NRIP1: variants seen among roughly 807,000 people sequenced by gnomAD.
NRIP1 encodes the protein nuclear receptor-interacting protein 1.
NRIP1 carries 28 observed loss-of-function variants against 75.0 expected under a neutral mutation model. The observed-to-expected ratio is 0.37, with a 90% confidence interval of 0.28 to 0.51. The LOEUF (loss-of-function observed/expected upper bound fraction) is 0.51, where lower values mean the gene tolerates loss of function less well. Among genes scored for constraint, NRIP1 ranks in the 20% least tolerant of loss-of-function variants. NRIP1 has a pLI of 0.92. For missense variants in NRIP1, 1,435 were observed against 1,343.7 expected (o/e 1.07, Z -1.06); for synonymous variants, 526 against 487.6 (o/e 1.08, Z -1.04).
At chr21:15,026,743 G>T (rs767634430) in intron 2 of NRIP1, among the ~76,000 whole-genome samples, 1 of 152,102 alleles carries the variant, frequency 6.6e-6, no homozygotes, top group Non-Finnish European at 1.5e-5. Context: ...CAGAGGGGAA[G>T]AAATAAATAC....
chr21:14,996,785 A>G (rs1450435047), intron 3 of NRIP1, among the ~76,000 whole-genome samples: 2 of 152,140 alleles, frequency 1.3e-5, no homozygotes, highest in Admixed American at 6.6e-5. Context: ...GCCACTTCTA[A>G]CATAATATTC....
At chr21:15,014,009 C>G (rs941103124) in intron 3 of NRIP1, among the ~76,000 whole-genome samples, 1 of 152,108 alleles carries the variant, frequency 6.6e-6, no homozygotes, top group African/African-American at 2.4e-5. Flanking sequence ...AATACTATTT[C>G]TTCTTTCAAG....
intron 2 of NRIP1, among the ~76,000 whole-genome samples, chr21:15,018,807 T>C (rs2088298030): frequency 6.6e-6 from 1 of 152,142 alleles, no homozygotes. Flanking sequence ...TGCTCCAAAA[T>C]AGGCTGCATA....
chr21:15,001,909 G>A (rs2147119267), intron 3 of NRIP1, among the ~76,000 whole-genome samples: 1 of 152,184 alleles, frequency 6.6e-6, no homozygotes, highest in South Asian at 2.1e-4. Context: ...TTCAAGCAGG[G>A]AAGCAGATTT....
intron 2 of NRIP1, among the ~76,000 whole-genome samples, chr21:15,026,202 AAC>A (rs1303605380): frequency 2.0e-5 from 3 of 152,228 alleles, no homozygotes; most frequent in Non-Finnish European, 2.9e-5. Context: ...TGCATAAAAA[AAC>A]AGTTTTGAGT....
At chr21:14,996,296 G>A (rs573243908) in intron 3 of NRIP1, among the ~76,000 whole-genome samples, 6 of 152,042 alleles carry the variant, frequency 3.9e-5, no homozygotes, top group South Asian at 2.1e-4. Flanking sequence ...CTTGTGGCTC[G>A]TAGCTTCTTC....
chr21:14,971,433 A>G (rs533846944), intron 3 of NRIP1: 2 of 152,322 alleles, frequency 1.3e-5, no homozygotes, highest in African/African-American at 2.4e-5. Context: ...TAAATATTCA[A>G]TTGTTTATTT....
intron 1 of NRIP1, among the ~76,000 whole-genome samples, chr21:15,049,105 T>G (rs1249116237): frequency 6.6e-6 from 1 of 152,180 alleles, no homozygotes; most frequent in Non-Finnish European, 1.5e-5. Flanking sequence ...CTAATAGCAT[T>G]TAGAAGCAAA....
intron 1 of NRIP1, chr21:15,051,006 G>A (rs983443096): frequency 1.9e-5 from 8 of 418,396 alleles, no homozygotes; most frequent in African/African-American, 1.6e-4. Flanking sequence ...TTTACCTACA[G>A]CTAATGCAAA....
rs2088492277 is a variant in NRIP1, at chr21:15,025,368, A to G, written c.-457-10902T>C. Among the ~76,000 whole-genome samples the G allele has an allele frequency of 2.6e-5, 4 of 152,274 alleles. No homozygotes were observed. In the South Asian group the frequency reaches 8.3e-4, roughly 32 times the overall value. ...TTAGAGATATCAGTATGATCAAGGGATGACATGTCAAAAAGATACTGAAGG... is the reference window on the plus strand; with the variant it reads ...TTAGAGATATCAGTATGATCAAGGGGTGACATGTCAAAAAGATACTGAAGG... On this transcript the variant is annotated intron_variant, in intron 2 of 3. Transcript: ENST00000318948.
chr21:15,044,799 C>T (rs2089034625), intron 1 of NRIP1, among the ~76,000 whole-genome samples: 2 of 152,248 alleles, frequency 1.3e-5, no homozygotes, highest in South Asian at 4.1e-4. Flanking sequence ...CAGCTCTTCA[C>T]CACTATACCT....
chr21:15,050,853 A>G (rs537650725), intron 1 of NRIP1: 18 of 455,904 alleles, frequency 3.9e-5, no homozygotes, highest in South Asian at 2.8e-4. Flanking sequence ...TGACCCATAC[A>G]CCCAGGAGGC....
intron 3 of NRIP1, among the ~76,000 whole-genome samples, chr21:14,975,671 GAA>G (rs1252425650): frequency 1.3e-3 from 148 of 112,610 alleles, no homozygotes; most frequent in South Asian, 2.3e-3. Flanking sequence ...GAGAGAGAGA[GAA>G]AGAAAGAAAG....
intron 2 of NRIP1, among the ~76,000 whole-genome samples, chr21:15,041,204 T>TA: frequency 6.6e-6 from 1 of 152,236 alleles, no homozygotes; most frequent in East Asian, 1.9e-4. Context: ...GGATGACTCT[T>TA]ACAGACATAA....
At chr21:14,990,396 T>C (rs2087536389) in intron 3 of NRIP1, among the ~76,000 whole-genome samples, 1 of 152,142 alleles carries the variant, frequency 6.6e-6, no homozygotes. Flanking sequence ...TTTTAAGCAA[T>C]GCAAATACTA....
At chr21:15,050,033 T>C (rs895842043) in intron 1 of NRIP1, among the ~76,000 whole-genome samples, 3 of 152,194 alleles carry the variant, frequency 2.0e-5, no homozygotes, top group African/African-American at 7.2e-5. Flanking sequence ...ATTAGCTTAG[T>C]TTTAAAATAA....
chr21:15,003,108 A>T (rs1421083269), intron 3 of NRIP1, among the ~76,000 whole-genome samples: 1 of 152,210 alleles, frequency 6.6e-6, no homozygotes, highest in Non-Finnish European at 1.5e-5. Flanking sequence ...AAAATATGAA[A>T]AGGTATGCCA....
At chr21:14,977,300 G>A (rs181827439) in intron 3 of NRIP1, among the ~76,000 whole-genome samples, 19 of 152,014 alleles carry the variant, frequency 1.2e-4, no homozygotes, top group East Asian at 5.8e-4. Context: ...CCAGGTATTC[G>A]GAGAACTCTC....
At position 14,967,750 on chromosome 21, in the gene NRIP1, G is replaced by A; in HGVS notation, c.443C>T (p.Ala148Val). Residue 148 changes from alanine (A) to valine (V), a missense_variant, in exon 4 of 4, where the codon GCT (alanine) becomes GTT (valine). Transcript: ENST00000318948. ...GCTCTGCCTGATTTGTTGTGACAGA[G>A]CAACAGTCTGCAGCCTAGAGCTGAA... ...QSFSSRLQTV[A>V]LSQQIRQSLK... is the part of the protein sequence containing the mutation. The A allele has an allele frequency of 6.2e-7, 1 of 1,614,164 alleles. No individual in the cohort carries two copies. The highest frequency in any genetic ancestry group is 2.2e-5 in the East Asian group (1 of 44,878).
Sources: gnomAD v4.1 joint callset for allele counts (sites outside exome capture counted in the v4.1 genomes callset) on GRCh38, gnomAD v4.1.1 for gene constraint, MANE v1.5 for transcripts, NCBI Gene and HGNC (gene_info 2026-07-23, HGNC 2026-07-21) for gene names.